Variants in DHX8 observed in about 807,000 individuals in gnomAD.
The protein encoded by DHX8 is ATP-dependent RNA helicase DHX8.
Under a neutral mutation model 140.7 loss-of-function variants are expected in DHX8, and 67 were observed. That is an observed-to-expected ratio of 0.48 (90% CI 0.39 to 0.58). The LOEUF (loss-of-function observed/expected upper bound fraction) is 0.58, where lower values mean the gene tolerates loss of function less well. Ranked by LOEUF, DHX8 falls within the 20% of genes least tolerant of loss-of-function variation. The pLI is 0.00. For synonymous variants in DHX8, 533 were observed against 553.2 expected (o/e 0.96, Z 0.51); for missense variants, 887 against 1,550.7 (o/e 0.57, Z 7.19).
At chr17:43,507,461 A>T (rs1214530340) in intron 13 of DHX8, 42 bp from the exon 14 acceptor site, 4 of 1,565,340 alleles carry the variant, frequency 2.6e-6, no homozygotes, top group Non-Finnish European at 3.5e-6. Context: ...TGGGAAAAGG[A>T]GACATTTGTA....
chr17:43,523,862 C>A lies in DHX8; in HGVS notation c.*15C>A, dbSNP rs757487082. The A allele has an allele frequency of 6.2e-7, 1 of 1,614,026 alleles. No individual in the cohort carries two copies. The highest frequency in any genetic ancestry group is 1.1e-5 in the South Asian group (1 of 91,030). ...GACGGCGCTGAAAGGCAAGATTGTT[C>A]CTTTGCCTCTCCAGCAGCAGTAGCC... On this transcript the variant is annotated 3_prime_UTR_variant, in exon 23 of 23. Transcript: ENST00000262415.
chr17:43,493,049 TGG>T lies in DHX8; in HGVS notation c.863+10_863+11del. 1.2e-6 allele frequency: 2 copies of T among 1,608,160 alleles called. No individual in the cohort carries two copies. Among genetic ancestry groups the T allele is most frequent in the Non-Finnish European group, 8.5e-7 (1 of 1,175,160 alleles). On this transcript the variant is annotated intron_variant, in intron 6 of 22. Transcript: ENST00000262415. ...CAGCTGGAAGGACTAAGGTAATGACTGGTGCTCTTTTGTTCACACCAGTGATG... is the reference window on the plus strand; with the variant it reads ...CAGCTGGAAGGACTAAGGTAATGACTTGCTCTTTTGTTCACACCAGTGATG...
chr17:43,520,921 G>T, intron 20 of DHX8, 42 bp downstream of exon 20: 3 of 1,488,620 alleles, frequency 2.0e-6, no homozygotes, highest in African/African-American at 1.4e-5. Context: ...GTGCCATGAA[G>T]TTGGGGTAGT....
intron 11 of DHX8, among the ~76,000 whole-genome samples, 188 bp from the exon 12 acceptor site, chr17:43,504,456 C>G (rs914629536): frequency 6.6e-6 from 1 of 152,242 alleles, no homozygotes; most frequent in African/African-American, 2.4e-5. Flanking sequence ...GTTACAGTCT[C>G]TTTCCCATTC....
At chr17:43,485,730 C>T (rs1251403058) in intron 1 of DHX8, among the ~76,000 whole-genome samples, 1 of 152,030 alleles carries the variant, frequency 6.6e-6, no homozygotes, top group East Asian at 1.9e-4. Flanking sequence ...TGACATTAAC[C>T]CCCAGTGTTT....
intron 1 of DHX8, among the ~76,000 whole-genome samples, chr17:43,485,694 C>T (rs1473421464): frequency 1.3e-5 from 2 of 151,878 alleles, no homozygotes; most frequent in Non-Finnish European, 2.9e-5. Flanking sequence ...AATACCTTGG[C>T]CTTTTAGAAG....
At chr17:43,511,851 CAAAA>C (rs1210970204) in intron 16 of DHX8, among the ~76,000 whole-genome samples, 14 of 68,004 alleles carry the variant, frequency 2.1e-4, no homozygotes, top group Admixed American at 3.1e-4. Context: ...CCTATCTCTA[CAAAA>C]AAAAAAAAAA....
At chr17:43,494,805 T>C (rs1302522468) in intron 8 of DHX8, among the ~76,000 whole-genome samples, 18 of 144,912 alleles carry the variant, frequency 1.2e-4, no homozygotes, top group African/African-American at 4.5e-4. Flanking sequence ...TTTTGTTTTC[T>C]TTCCTTTTTT....
At chr17:43,543,276 A>ACTCTCTCTCTCTCTCT (rs60214474) in intron 3 of DHX8, among the ~76,000 whole-genome samples, 212 of 138,250 alleles carry the variant, frequency 1.5e-3, no homozygotes, top group African/African-American at 5.4e-3. Flanking sequence ...ACACACACAC[A>ACTCTCTCTCTCTCTCT]CTCTCTCTCT....
chr17:43,488,999 GTTTTGTTTT>G (rs934463685), intron 1 of DHX8, among the ~76,000 whole-genome samples: 15 of 151,596 alleles, frequency 9.9e-5, no homozygotes, highest in African/African-American at 3.6e-4. Context: ...TTGTTTTCTT[GTTTTGTTTT>G]TTTTGTTTTT....
chr17:43,493,423 G>A (rs1968658320), intron 6 of DHX8, 22 bp from the exon 7 acceptor site: 1 of 1,613,236 alleles, frequency 6.2e-7, no homozygotes, highest in Non-Finnish European at 8.5e-7. Flanking sequence ...GCATGTTCCA[G>A]ATGTGTCTGG....
intron 16 of DHX8, among the ~76,000 whole-genome samples, chr17:43,509,508 G>A (rs1017544929): frequency 3.1e-4 from 46 of 148,970 alleles, no homozygotes; most frequent in African/African-American, 1.1e-3. Context: ...TTTTGAGATG[G>A]GGTCTCAGTC....
intron 22 of DHX8, among the ~76,000 whole-genome samples, chr17:43,523,103 T>A (rs1378477050): frequency 6.7e-6 from 1 of 150,122 alleles, no homozygotes; most frequent in Non-Finnish European, 1.5e-5. Context: ...AACTACCTAG[T>A]GATGTAGTTT....
intron 2 of DHX8, among the ~76,000 whole-genome samples, chr17:43,489,811 C>T (rs901389181): frequency 6.6e-6 from 1 of 152,014 alleles, no homozygotes; most frequent in African/African-American, 2.4e-5. Flanking sequence ...AGGATGGTCT[C>T]GATCTCCTGA....
chr17:43,491,139 C>A, intron 3 of DHX8, 26 bp from the exon 4 acceptor site: 2 of 1,151,272 alleles, frequency 1.7e-6, no homozygotes, highest in Non-Finnish European at 1.2e-6. Context: ...TTTTTTTAAC[C>A]CCTTCATGCT....
chr17:43,499,818 A>G (rs1019175934), intron 10 of DHX8, 138 bp from the exon 11 acceptor site: 16 of 924,358 alleles, frequency 1.7e-5, no homozygotes, highest in African/African-American at 3.3e-5. Flanking sequence ...CGGTTTATCC[A>G]TTTCTTTCAT....
chr17:43,513,649 G>A, intron 17 of DHX8, 147 bp downstream of exon 17: 2 of 566,832 alleles, frequency 3.5e-6, no homozygotes, highest in South Asian at 5.3e-5. Context: ...AGGATTTTTT[G>A]TTATTTGTTT....
chr17:43,529,516 A>G (rs772037381), downstream of DHX8: 3 of 1,612,176 alleles, frequency 1.9e-6, no homozygotes, highest in Non-Finnish European at 1.7e-6. Context: ...CCTCAGGCTC[A>G]ATGAGCTTGA....
At chr17:43,526,024 A>T (rs1970602457), downstream of DHX8, 1 of 985,346 alleles carries the variant, frequency 1.0e-6, no homozygotes, top group Admixed American at 6.1e-5. Flanking sequence ...CCATCTCTCT[A>T]CGCTAGAGCT....
Sources: gnomAD v4.1 joint callset for allele counts (sites outside exome capture counted in the v4.1 genomes callset) on GRCh38, gnomAD v4.1.1 for gene constraint, MANE v1.5 for transcripts, NCBI Gene and HGNC (gene_info 2026-07-23, HGNC 2026-07-21) for gene names.